PTPRD: variants seen among roughly 807,000 people sequenced by gnomAD.
The protein encoded by PTPRD is protein tyrosine phosphatase receptor type D.
A neutral mutation model predicts 214.5 loss-of-function variants in PTPRD; 34 were observed. The observed-to-expected ratio is 0.16, with a 90% CI of 0.12 to 0.21. The LOEUF (loss-of-function observed/expected upper bound fraction) is 0.21. Among genes scored for constraint, PTPRD ranks in the 10% least tolerant of loss-of-function variants. The probability of loss-of-function intolerance (pLI) is 1.00; values close to 1 mark genes in which losing one functional copy is unlikely to be tolerated. For synonymous variants in PTPRD, 1,128 were observed against 845.7 expected (o/e 1.33, Z -5.79); for missense variants, 2,545 against 2,398.7 (o/e 1.06, Z -1.27).
rs993845468 is a variant in PTPRD, at chr9:8,864,025, C to A, written c.-103-130079G>T. ...GTTAATCATTGAATAAAGGAACACT[C>A]TACAGAGACCAAAAACTGATGAAAC... On this transcript the variant is annotated intron_variant, in intron 11 of 45. Coordinates refer to ENST00000381196, the MANE Select transcript of PTPRD (RefSeq NM_002839.4). 4.6e-5 allele frequency among the ~76,000 whole-genome samples: 7 copies of A among 152,102 alleles called. No individual in the cohort carries two copies. In the East Asian group the frequency reaches 1.2e-3, roughly 25 times the overall value.
intron 14 of PTPRD, among the ~76,000 whole-genome samples, chr9:8,542,944 A>C (rs1191004282): frequency 9.9e-5 from 15 of 152,186 alleles, no homozygotes. Flanking sequence ...TTGAGCATGC[A>C]AGGGTAGTTT....
At chr9:9,286,873 AATATATATATATAT>A (rs34631864) in intron 9 of PTPRD, among the ~76,000 whole-genome samples, 160 of 77,026 alleles carry the variant, frequency 2.1e-3, no homozygotes, top group Middle Eastern at 9.3e-3. Context: ...GAAACTACTG[AATATATATATATAT>A]ATATATATAT....
intron 11 of PTPRD, among the ~76,000 whole-genome samples, chr9:8,757,783 T>C (rs1391190277): frequency 6.6e-6 from 1 of 151,938 alleles, no homozygotes; most frequent in Non-Finnish European, 1.5e-5. Flanking sequence ...TAACAACTCA[T>C]GATACTGCAT....
rs192674930 is a variant in PTPRD, at chr9:9,698,705, C to T, written c.-287+35828G>A. Among the ~76,000 whole-genome samples the T allele has an allele frequency of 1.2e-4, 19 of 152,278 alleles. 1 individual carries two copies. The highest frequency in any genetic ancestry group is 4.3e-4 in the African/African-American group (18 of 41,572). On this transcript the variant is annotated intron_variant, in intron 7 of 45. Coordinates refer to ENST00000381196, the MANE Select transcript of PTPRD (RefSeq NM_002839.4). ...GTTGAGGCAGGAACAGGTCTCCTGC[C>T]AGTGCACCCAAGAGGTTGAAAAGCT...
intron 21 of PTPRD, among the ~76,000 whole-genome samples, chr9:8,514,362 A>T (rs566128742): frequency 2.0e-5 from 3 of 152,158 alleles, no homozygotes; most frequent in Non-Finnish European, 4.4e-5. Context: ...ACCATCAGAA[A>T]ATAAAAATAT....
intron 8 of PTPRD, among the ~76,000 whole-genome samples, chr9:9,532,676 G>T (rs2075739111): frequency 6.6e-6 from 1 of 152,128 alleles, no homozygotes; most frequent in African/African-American, 2.4e-5. Flanking sequence ...AGATCATTTT[G>T]CAGGCTAAGA....
At chr9:10,172,183 A>T (rs1399264290) in intron 3 of PTPRD, among the ~76,000 whole-genome samples, 2 of 152,154 alleles carry the variant, frequency 1.3e-5, no homozygotes, top group African/African-American at 4.8e-5. Context: ...TTTTGTTTAT[A>T]GGCAGTGGTA....
intron 11 of PTPRD, among the ~76,000 whole-genome samples, chr9:8,801,369 C>A (rs911131415): frequency 1.4e-4 from 22 of 152,292 alleles, no homozygotes; most frequent in Non-Finnish European, 3.1e-4. Context: ...GGTAACATTT[C>A]AGTCATTCTG....
intron 34 of PTPRD, among the ~76,000 whole-genome samples, chr9:8,443,327 G>A (rs1004217222): frequency 3.3e-5 from 5 of 152,154 alleles, no homozygotes; most frequent in African/African-American, 7.2e-5. Flanking sequence ...AAATATGAAT[G>A]TATGAAGAAA....
intron 8 of PTPRD, among the ~76,000 whole-genome samples, chr9:9,430,406 C>T (rs2082629697): frequency 6.6e-6 from 1 of 151,462 alleles, no homozygotes; most frequent in Non-Finnish European, 1.5e-5. Context: ...TAAAAGAGGA[C>T]ACAAACAAAT....
At chr9:9,806,363 G>A (rs1488941062) in intron 5 of PTPRD, among the ~76,000 whole-genome samples, 1 of 152,096 alleles carries the variant, frequency 6.6e-6, no homozygotes, top group African/African-American at 2.4e-5. Context: ...CCATCGTCAA[G>A]CCATTATGAC....
chr9:8,413,846 T>G (rs2093700901), intron 35 of PTPRD, among the ~76,000 whole-genome samples: 1 of 152,158 alleles, frequency 6.6e-6, no homozygotes, highest in Non-Finnish European at 1.5e-5. Flanking sequence ...TCTCAAAGAT[T>G]AGTATTTTTA....
intron 13 of PTPRD, among the ~76,000 whole-genome samples, chr9:8,634,586 G>A (rs2096368478): frequency 6.6e-6 from 1 of 151,932 alleles, no homozygotes; most frequent in Admixed American, 6.6e-5. Flanking sequence ...ATTTCTCAAT[G>A]CACTACAGTT....
At chr9:8,563,584 C>A (rs1457332207) in intron 14 of PTPRD, among the ~76,000 whole-genome samples, 1 of 151,660 alleles carries the variant, frequency 6.6e-6, no homozygotes, top group South Asian at 2.1e-4. Context: ...CTATAGACAT[C>A]TGCCGCCACA....
chr9:9,508,829 T>C (rs964466396), intron 8 of PTPRD, among the ~76,000 whole-genome samples: 1 of 151,564 alleles, frequency 6.6e-6, no homozygotes, highest in Non-Finnish European at 1.5e-5. Context: ...TTAACCACTT[T>C]TGTGAAATCT....
rs776230888 is a variant in PTPRD, at chr9:9,358,819, G to A, written c.-203+38630C>T. Among the ~76,000 whole-genome samples, 187 of 151,344 alleles carry A rather than the reference G, an allele frequency of 1.2e-3. 1 individual carries two copies. Among genetic ancestry groups the A allele is most frequent in the Middle Eastern group, 3.4e-3 (1 of 294 alleles). ...AATCATTAACGTCATTAAGCTGCTT[G>A]TTTCTTAATCGCATTCTTGTATAGG... On this transcript the variant is annotated intron_variant, in intron 9 of 45. Transcript: ENST00000381196.
chr9:9,400,417 A>G (rs2069843885), intron 8 of PTPRD, among the ~76,000 whole-genome samples: 1 of 125,866 alleles, frequency 7.9e-6, no homozygotes, highest in African/African-American at 3.1e-5. Context: ...GATTGAAAAC[A>G]CCAGATAATA....
intron 2 of PTPRD, among the ~76,000 whole-genome samples, chr9:10,448,182 T>G (rs1288446694): frequency 6.6e-6 from 1 of 152,028 alleles, no homozygotes; most frequent in East Asian, 1.9e-4. Flanking sequence ...TTACCATAAC[T>G]AAATAGGGTG....
At chr9:8,363,643 G>C (rs996704816) in intron 39 of PTPRD, among the ~76,000 whole-genome samples, 4 of 152,204 alleles carry the variant, frequency 2.6e-5, no homozygotes, top group Non-Finnish European at 4.4e-5. Flanking sequence ...TTAACTGGGT[G>C]ATCAGAATAG....
Sources: gnomAD v4.1 joint callset for allele counts (sites outside exome capture counted in the v4.1 genomes callset) on GRCh38, gnomAD v4.1.1 for gene constraint, MANE v1.5 for transcripts, NCBI Gene and HGNC (gene_info 2026-07-23, HGNC 2026-07-21) for gene names.